The following GRPEL1 variants were observed in gnomAD, a reference collection of about 807,000 sequenced individuals.
GRPEL1 encodes the protein grpE protein homolog 1, mitochondrial.
In GRPEL1, 13 loss-of-function variants were observed where a neutral mutation model predicts 22.1. The observed-to-expected ratio is 0.59, with a 90% CI of 0.38 to 0.94. GRPEL1 has a LOEUF of 0.94. Ranked by LOEUF, GRPEL1 falls within the 40% of genes least tolerant of loss-of-function variation. GRPEL1 has a pLI of 0.00. For synonymous variants in GRPEL1, 109 were observed against 105.3 expected (o/e 1.03, Z -0.21); for missense variants, 289 against 264.6 (o/e 1.09, Z -0.64).
chr4:7,064,030 C>T (rs1724101820), intron 2 of GRPEL1, 31 bp downstream of exon 2: 2 of 1,603,224 alleles, frequency 1.2e-6, no homozygotes, highest in Non-Finnish European at 1.7e-6. Flanking sequence ...TTCAGCCGAG[C>T]CCGCCCCCAC....
intron 1 of GRPEL1, 174 bp from the exon 2 acceptor site, chr4:7,064,397 T>G (rs1453820732): frequency 3.6e-6 from 2 of 553,126 alleles, no homozygotes; most frequent in East Asian, 6.2e-5. Flanking sequence ...GAAGCTATAT[T>G]AGTAAATATA....
At chr4:7,065,264 C>A (rs1724137455) in intron 1 of GRPEL1, among the ~76,000 whole-genome samples, 1 of 152,190 alleles carries the variant, frequency 6.6e-6, no homozygotes, top group South Asian at 2.1e-4. Context: ...CCAGTAATCC[C>A]AGCACTTAGG....
At chr4:7,063,226 A>T (rs1724086381) in intron 2 of GRPEL1, among the ~76,000 whole-genome samples, 1 of 151,664 alleles carries the variant, frequency 6.6e-6, no homozygotes, top group Non-Finnish European at 1.5e-5. Context: ...GGTTGCTGGG[A>T]CTACAGGAGT....
At chr4:7,066,472 T>C (rs544182291) in intron 1 of GRPEL1, among the ~76,000 whole-genome samples, 1 of 152,242 alleles carries the variant, frequency 6.6e-6, no homozygotes, top group East Asian at 1.9e-4. Flanking sequence ...TGTGTACTTA[T>C]TAATATCTTA....
At chr4:7,061,251 G>T (rs375793683) in intron 3 of GRPEL1, 43 bp from the exon 4 acceptor site, 4 of 1,504,582 alleles carry the variant, frequency 2.7e-6, no homozygotes, top group Admixed American at 1.8e-5. Context: ...CATACCAACC[G>T]CACAGGGCAA....
In GRPEL1 at chr4:7,059,559, T is replaced by C. The variant is rs1367887733; in HGVS notation, c.*1303A>G. ...CTTAAGGCATCTTAAAGGTGGAACA[T>C]GTTTGGGAATGGTATCCCAAGATGA... On this transcript the variant is annotated 3_prime_UTR_variant, in exon 4 of 4. Transcript: ENST00000264954. The C allele has an allele frequency of 2.0e-5, 3 of 152,196 alleles. No homozygotes were observed. The highest frequency in any genetic ancestry group is 1.9e-4 in the East Asian group (1 of 5,196). The allele number at this position is 152,196 out of a possible 1,614,324, so 9.4% of individuals were successfully genotyped here.
At chr4:7,061,930 G>C (rs1429684754) in intron 3 of GRPEL1, 1 of 152,818 alleles carries the variant, frequency 6.5e-6, no homozygotes, top group Non-Finnish European at 1.5e-5. Flanking sequence ...CCAGCCTGTG[G>C]AGCTGGGAGC....
At chr4:7,063,466 C>A (rs1724092102) in intron 2 of GRPEL1, among the ~76,000 whole-genome samples, 1 of 152,188 alleles carries the variant, frequency 6.6e-6, no homozygotes, top group Non-Finnish European at 1.5e-5. Flanking sequence ...CAGGTAATCA[C>A]TGTACAGTGG....
chr4:7,058,928 T>TTA lies in GRPEL1; in HGVS notation c.*1932_*1933dup, dbSNP rs1311477472. On this transcript the variant is annotated 3_prime_UTR_variant, in exon 4 of 4. Coordinates refer to ENST00000264954, the MANE Select transcript of GRPEL1 (RefSeq NM_025196.4). ...CAGTTTGCACTGTACCTTTACTATGTTATGTTCAGATACACAGATACCATT... is the reference window on the plus strand; with the variant it reads ...CAGTTTGCACTGTACCTTTACTATGTTATATGTTCAGATACACAGATACCATT... 1 of 152,228 alleles carries TTA rather than the reference T, an allele frequency of 6.6e-6. No individual in the cohort carries two copies. Among genetic ancestry groups the TTA allele is most frequent in the Non-Finnish European group, 1.5e-5 (1 of 68,034 alleles). 9.4% of individuals were successfully genotyped at this position (152,228 alleles called of 1,614,324 possible). A position where few individuals can be genotyped will look rare whatever the true frequency, so the allele number is the denominator to read the frequency against.
At chr4:7,067,938 C>G in intron 1 of GRPEL1, 33 bp downstream of exon 1, 2 of 1,605,306 alleles carry the variant, frequency 1.2e-6, no homozygotes, top group East Asian at 4.5e-5. Context: ...GTCGCGCTGC[C>G]ACCTCCACCC....
chr4:7,064,266 G>C, intron 1 of GRPEL1, 43 bp from the exon 2 acceptor site: 1 of 1,569,840 alleles, frequency 6.4e-7, no homozygotes, highest in Non-Finnish European at 8.7e-7. Flanking sequence ...CTTAGTTTTT[G>C]TGCTTATTAA....
chr4:7,063,894 TTA>T (rs1414719590), intron 2 of GRPEL1, among the ~76,000 whole-genome samples, 165 bp downstream of exon 2: 1 of 152,246 alleles, frequency 6.6e-6, no homozygotes, highest in Non-Finnish European at 1.5e-5. Context: ...GATTTGGGTT[TTA>T]GTCTTTGCTT....
chr4:7,061,388 G>A, intron 3 of GRPEL1, 180 bp from the exon 4 acceptor site: 1 of 576,716 alleles, frequency 1.7e-6, no homozygotes, highest in Admixed American at 3.4e-5. Flanking sequence ...CTACTTGTGG[G>A]ATGAGACCCA....
chr4:7,064,424 T>G (rs145493965), intron 1 of GRPEL1: 4 of 472,434 alleles, frequency 8.5e-6, no homozygotes, highest in Non-Finnish European at 1.5e-5. Flanking sequence ...GTAAGTCATA[T>G]ACAATGTGCC....
At chr4:7,062,225 C>T in intron 3 of GRPEL1, 160 bp downstream of exon 3, 1 of 431,978 alleles carries the variant, frequency 2.3e-6, no homozygotes, top group South Asian at 4.0e-5. Flanking sequence ...CCTCCAGACA[C>T]CTTTGCTGTT....
rs1371048372 is a variant in GRPEL1, at chr4:7,059,234, G to A, written c.*1628C>T. The A allele has an allele frequency of 6.6e-6, 1 of 152,222 alleles. No individual in the cohort carries two copies. Among genetic ancestry groups the A allele is most frequent in the Non-Finnish European group, 1.5e-5 (1 of 68,046 alleles). 9.4% of individuals were successfully genotyped at this position (152,222 alleles called of 1,614,324 possible). A position where few individuals can be genotyped will look rare whatever the true frequency, so the allele number is the denominator to read the frequency against. On this transcript the variant is annotated 3_prime_UTR_variant, in exon 4 of 4. Transcript: ENST00000264954. Reference sequence around the variant, plus strand: ...CATTTCAGATGATAACCAACTTATAGTGACTATGGATGACTGAAGCTTACT... The same window carrying A: ...CATTTCAGATGATAACCAACTTATAATGACTATGGATGACTGAAGCTTACT...
chr4:7,067,959 A>G lies in GRPEL1; in HGVS notation c.62+12T>C. ...CTGCCACCTCCACCCAGGGAGACCA[A>G]GTGCCCCTTACCTGAGAGACAACGC... On this transcript the variant is annotated intron_variant, in intron 1 of 3. Coordinates refer to ENST00000264954, the MANE Select transcript of GRPEL1 (RefSeq NM_025196.4). 1.2e-6 allele frequency: 2 copies of G among 1,613,156 alleles called. No homozygotes were observed. The highest frequency in any genetic ancestry group is 1.7e-6 in the Non-Finnish European group (2 of 1,179,780).
intron 1 of GRPEL1, 108 bp downstream of exon 1, chr4:7,067,855 GAGATGCCC>G: frequency 9.2e-7 from 1 of 1,081,376 alleles, no homozygotes; most frequent in Non-Finnish European, 1.4e-6. Context: ...CGCGAGCCCG[GAGATGCCC>G]AGCTCCGGGG....
chr4:7,065,992 T>C (rs779871969), intron 1 of GRPEL1, among the ~76,000 whole-genome samples: 1 of 152,090 alleles, frequency 6.6e-6, no homozygotes, highest in African/African-American at 2.4e-5. Flanking sequence ...TAGCTGGGAC[T>C]ATAGGCGTCC....
Sources: allele counts gnomAD v4.1 joint callset (sites outside exome capture counted in the v4.1 genomes callset), GRCh38; gene constraint gnomAD v4.1.1; transcripts MANE v1.5; gene names NCBI Gene and HGNC (gene_info 2026-07-23, HGNC 2026-07-21).